Variants in CDH13 observed in about 807,000 individuals in gnomAD.
The protein encoded by CDH13 is cadherin-13.
CDH13 carries 24 observed loss-of-function variants against 63.8 expected under a neutral mutation model. The ratio of observed to expected loss-of-function variants is 0.38; its 90% CI spans 0.27 to 0.53. CDH13 has a LOEUF of 0.53. Ranked by LOEUF, CDH13 falls within the 20% of genes least tolerant of loss-of-function variation. The probability of loss-of-function intolerance (pLI) is 0.85; values close to 1 mark genes in which losing one functional copy is unlikely to be tolerated. For missense variants in CDH13, 1,049 were observed against 903.1 expected (o/e 1.16, Z -2.07); for synonymous variants, 503 against 355.3 (o/e 1.42, Z -4.67).
At chr16:82,916,295 G>C (rs1310193064) in intron 2 of CDH13, among the ~76,000 whole-genome samples, 2 of 152,142 alleles carry the variant, frequency 1.3e-5, no homozygotes, top group East Asian at 3.9e-4. Flanking sequence ...GAAGACCCTG[G>C]CCGGGTGCCG....
chr16:83,439,365 A>G (rs905155198), intron 6 of CDH13, among the ~76,000 whole-genome samples: 1 of 152,236 alleles, frequency 6.6e-6, no homozygotes. Flanking sequence ...TGCTCATTGC[A>G]ATGGGAGAGA....
chr16:82,851,737 C>G (rs138095457), intron 1 of CDH13, among the ~76,000 whole-genome samples: 1 of 152,174 alleles, frequency 6.6e-6, no homozygotes, highest in East Asian at 1.9e-4. Flanking sequence ...TTCCTCCATG[C>G]TTTCCCTGTA....
rs76639318 is a variant in CDH13, at chr16:83,318,331, T to A, written c.637-26531T>A. ...TCTAATCACTCCATTTTCTTGTGTCTTTTTGGTGAACTCTAGTATTTGGAG... is the reference window on the plus strand; with the variant it reads ...TCTAATCACTCCATTTTCTTGTGTCATTTTGGTGAACTCTAGTATTTGGAG... On this transcript the variant is annotated intron_variant, in intron 5 of 13. Transcript: ENST00000567109. Among the ~76,000 whole-genome samples the A allele has an allele frequency of 1.0e-3, 153 of 152,298 alleles. 2 individuals are homozygous for A. The East Asian group carries it at 0.026, about 26-fold the overall frequency.
chr16:83,344,089 C>G (rs910859146), intron 5 of CDH13, among the ~76,000 whole-genome samples: 1 of 152,146 alleles, frequency 6.6e-6, no homozygotes, highest in Non-Finnish European at 1.5e-5. Flanking sequence ...CGGGGACCAA[C>G]ACTTATATCC....
At chr16:83,526,862 T>C (rs1380887885) in intron 7 of CDH13, among the ~76,000 whole-genome samples, 4 of 152,162 alleles carry the variant, frequency 2.6e-5, no homozygotes, top group Non-Finnish European at 5.9e-5. Flanking sequence ...CCAGGGATGG[T>C]GGCTCGTGCC....
At chr16:82,815,879 A>G (rs976127318) in intron 1 of CDH13, among the ~76,000 whole-genome samples, 1 of 152,244 alleles carries the variant, frequency 6.6e-6, no homozygotes, top group Non-Finnish European at 1.5e-5. Flanking sequence ...TTAACACCAC[A>G]GATGACTGTT....
At chr16:83,096,393 G>A (rs1476071410) in intron 3 of CDH13, among the ~76,000 whole-genome samples, 2 of 152,168 alleles carry the variant, frequency 1.3e-5, no homozygotes, top group African/African-American at 4.8e-5. Flanking sequence ...TAATTCCCCT[G>A]TTCCTGGGAA....
chr16:83,696,507 G>A (rs971342299), intron 10 of CDH13, among the ~76,000 whole-genome samples: 1 of 152,168 alleles, frequency 6.6e-6, no homozygotes, highest in Admixed American at 6.5e-5. Context: ...TCCCACCAGG[G>A]AGTTCACTGG....
chr16:83,500,979 G>A (rs1024161299), intron 7 of CDH13, among the ~76,000 whole-genome samples: 13 of 152,166 alleles, frequency 8.5e-5, no homozygotes, highest in African/African-American at 3.1e-4. Flanking sequence ...GATTGCAGGG[G>A]AAGCATTCCA....
chr16:83,355,940 A>T (rs938185195), intron 6 of CDH13, among the ~76,000 whole-genome samples: 2 of 152,178 alleles, frequency 1.3e-5, no homozygotes, highest in Admixed American at 1.3e-4. Flanking sequence ...CTTTTAAAGC[A>T]GTCCTTACAA....
intron 6 of CDH13, among the ~76,000 whole-genome samples, chr16:83,446,661 G>A (rs1225673091): frequency 1.3e-5 from 2 of 152,084 alleles, no homozygotes; most frequent in Non-Finnish European, 2.9e-5. Flanking sequence ...TCAAAGGAAC[G>A]AGCTCCAGAT....
At chr16:83,750,605 C>A (rs411454) in intron 11 of CDH13, among the ~76,000 whole-genome samples, 35,991 of 151,964 alleles carry the variant, frequency 0.24, 4,810 homozygotes, top group Non-Finnish European at 0.31. Context: ...TGATGTCTTC[C>A]TCAAAGGGGG....
rs560070476 is a variant in CDH13, at chr16:83,187,177, G to A, written c.484-30168G>A. The stretch of plus-strand genomic sequence containing the variant: ...GTAGAAATGGGGTTTCACCATGTTG[G>A]CCTGGCTGGTCTTGAACTCCTGGCC... On this transcript the variant is annotated intron_variant, in intron 4 of 13. Transcript: ENST00000567109. 4.6e-5 allele frequency among the ~76,000 whole-genome samples: 7 copies of A among 152,210 alleles called. No individual in the cohort carries two copies. The South Asian group carries it at 1.5e-3, about 32-fold the overall frequency.
At chr16:83,311,187 G>C (rs1043894145) in intron 5 of CDH13, among the ~76,000 whole-genome samples, 4 of 152,164 alleles carry the variant, frequency 2.6e-5, no homozygotes, top group African/African-American at 9.7e-5. Context: ...TGAATCAGTA[G>C]AGCTTAAAAT....
At chr16:83,087,697 A>AAAAAAAAAAC (rs1567817140) in intron 3 of CDH13, among the ~76,000 whole-genome samples, 1 of 144,300 alleles carries the variant, frequency 6.9e-6, no homozygotes, top group Non-Finnish European at 1.5e-5. Context: ...AAAAAAAAAA[A>AAAAAAAAAAC]GCCTAGCACC....
Position 83,004,479 on chromosome 16 carries a change from T to C in CDH13, c.158-27531T>C, listed in dbSNP as rs149842845. On this transcript the variant is annotated intron_variant, in intron 2 of 13. Coordinates refer to ENST00000567109, the MANE Select transcript of CDH13 (RefSeq NM_001257.5). ...AAGGTAACTCTTCTTTTGAATGTCATGCAAGGACCCCTGTTTTGTTTTGTT... is the reference window on the plus strand; with the variant it reads ...AAGGTAACTCTTCTTTTGAATGTCACGCAAGGACCCCTGTTTTGTTTTGTT... 3.8e-3 allele frequency among the ~76,000 whole-genome samples: 575 copies of C among 152,276 alleles called. 1 individual carries two copies. The highest frequency in any genetic ancestry group is 5.6e-3 in the Non-Finnish European group (381 of 68,012).
intron 10 of CDH13, among the ~76,000 whole-genome samples, chr16:83,683,533 G>C (rs1915572606): frequency 6.6e-6 from 1 of 152,074 alleles, no homozygotes. Context: ...ACAGCTTTCT[G>C]TCCCAAGAAA....
chr16:83,328,133 A>G (rs200046879), intron 5 of CDH13, among the ~76,000 whole-genome samples: 4 of 143,570 alleles, frequency 2.8e-5, no homozygotes, highest in East Asian at 2.0e-4. Context: ...CAAAAAAAAA[A>G]AAAAAGAAAA....
At chr16:82,807,867 A>C (rs949055608) in intron 1 of CDH13, among the ~76,000 whole-genome samples, 2 of 152,192 alleles carry the variant, frequency 1.3e-5, no homozygotes, top group Admixed American at 6.5e-5. Context: ...GCTCTTCCAT[A>C]CTTAAGACAC....
Sources: gnomAD v4.1 joint callset for allele counts (sites outside exome capture counted in the v4.1 genomes callset) on GRCh38, gnomAD v4.1.1 for gene constraint, MANE v1.5 for transcripts, NCBI Gene and HGNC (gene_info 2026-07-23, HGNC 2026-07-21) for gene names.